NAA11: variants seen among roughly 807,000 people sequenced by gnomAD.
NAA11 encodes N-alpha-acetyltransferase 11, NatA catalytic subunit, also known as N-alpha-acetyltransferase 11.
Under a neutral mutation model 16.1 loss-of-function variants are expected in NAA11, and 15 were observed. The observed-to-expected ratio is 0.93, with a 90% confidence interval of 0.62 to 1.44. The LOEUF (loss-of-function observed/expected upper bound fraction) is 1.44, where lower values mean the gene tolerates loss of function less well. Ranked by LOEUF, NAA11 falls within the 40% of genes most tolerant of loss-of-function variation. NAA11 has a pLI of 0.00. For synonymous variants in NAA11, 122 were observed against 112.4 expected (o/e 1.09, Z -0.54); for missense variants, 298 against 291.3 (o/e 1.02, Z -0.17).
intron 2 of NAA11, among the ~76,000 whole-genome samples, chr4:79,241,569 T>C (rs1217972406): frequency 6.6e-6 from 1 of 152,246 alleles, no homozygotes; most frequent in African/African-American, 2.4e-5. Flanking sequence ...TGCTTTCTTC[T>C]TTCCATTTAC....
chr4:79,235,017 A>G (rs1721542709), intron 2 of NAA11, among the ~76,000 whole-genome samples: 3 of 152,126 alleles, frequency 2.0e-5, no homozygotes, highest in South Asian at 4.1e-4. Context: ...AAAGAAATGT[A>G]GGCCAAGAAA....
chr4:79,268,642 C>T (rs1722404518), intron 2 of NAA11, among the ~76,000 whole-genome samples: 1 of 152,098 alleles, frequency 6.6e-6, no homozygotes, highest in African/African-American at 2.4e-5. Context: ...CAAATGACTG[C>T]ATAAGGAATC....
intron 1 of NAA11, among the ~76,000 whole-genome samples, chr4:79,297,346 G>A (rs1723253107): frequency 6.6e-6 from 1 of 152,170 alleles, no homozygotes; most frequent in African/African-American, 2.4e-5. Flanking sequence ...GGACAGAGAG[G>A]GCCTCAGCGA....
chr4:79,319,788 G>A (rs1724037205), intron 1 of NAA11, among the ~76,000 whole-genome samples: 1 of 152,098 alleles, frequency 6.6e-6, no homozygotes, highest in Admixed American at 6.6e-5. Flanking sequence ...TGGCATATCT[G>A]GGGTAAGGTT....
At chr4:79,201,894 C>A in the NAA11 span, among the ~76,000 whole-genome samples, 1 of 151,542 alleles carries the variant, frequency 6.6e-6, no homozygotes, top group African/African-American at 2.4e-5. Context: ...CCTGTCTTTT[C>A]TTTTTTTAAG....
chr4:79,219,293 A>G, the NAA11 span, among the ~76,000 whole-genome samples: 1 of 152,128 alleles, frequency 6.6e-6, no homozygotes, highest in African/African-American at 2.4e-5. Context: ...CATCCTCACC[A>G]TGATGGACCT....
chr4:79,279,783 G>T (rs1722743595), intron 2 of NAA11, among the ~76,000 whole-genome samples: 1 of 152,122 alleles, frequency 6.6e-6, no homozygotes, highest in African/African-American at 2.4e-5. Flanking sequence ...TTTCTAAAGT[G>T]TTAGCTGGCA....
the NAA11 span, among the ~76,000 whole-genome samples, chr4:79,202,526 A>ACACG: frequency 7.0e-6 from 1 of 142,870 alleles, no homozygotes; most frequent in Non-Finnish European, 1.5e-5. Flanking sequence ...TTTTATACAC[A>ACACG]CACACACACA....
chr4:79,311,535 C>T (rs533316623), intron 1 of NAA11, among the ~76,000 whole-genome samples: 77 of 152,150 alleles, frequency 5.1e-4, no homozygotes, highest in Non-Finnish European at 9.3e-4. Flanking sequence ...TATTTCATGG[C>T]GCTCCTATTA....
chr4:79,274,205 G>A lies in NAA11; in HGVS notation c.*122+19800C>T, dbSNP rs141553479. On this transcript the variant is annotated intron_variant and NMD_transcript_variant, in intron 2 of 2. Transcript: ENST00000511542. ...ATCTGTACTCTTGGCTATGAGTAAT[G>A]CCTCCTATCCTCACTGCTCCCAAGT... 7.9e-5 allele frequency among the ~76,000 whole-genome samples: 12 copies of A among 152,190 alleles called. No homozygotes were observed. In the East Asian group the frequency reaches 2.3e-3, roughly 29 times the overall value.
At chr4:79,297,300 C>T (rs993004204) in intron 1 of NAA11, among the ~76,000 whole-genome samples, 1 of 152,162 alleles carries the variant, frequency 6.6e-6, no homozygotes, top group African/African-American at 2.4e-5. Context: ...GAGCCACCCA[C>T]TGGATGGGGA....
intron 1 of NAA11, among the ~76,000 whole-genome samples, chr4:79,295,542 A>C (rs549008969): frequency 6.6e-6 from 1 of 152,332 alleles, no homozygotes; most frequent in African/African-American, 2.4e-5. Flanking sequence ...TTTTAGACAC[A>C]TAAGGAAGGA....
At chr4:79,218,078 A>G in the NAA11 span, among the ~76,000 whole-genome samples, 1 of 152,142 alleles carries the variant, frequency 6.6e-6, no homozygotes, top group Non-Finnish European at 1.5e-5. Context: ...ATTATCTGGT[A>G]ATATATACTC....
At chr4:79,296,273 A>G (rs915534807) in intron 1 of NAA11, among the ~76,000 whole-genome samples, 1 of 152,232 alleles carries the variant, frequency 6.6e-6, no homozygotes, top group Non-Finnish European at 1.5e-5. Context: ...TTAAGGCACA[A>G]AGAAGGTAAG....
intron 2 of NAA11, among the ~76,000 whole-genome samples, chr4:79,234,750 A>G (rs1270466707): frequency 6.6e-6 from 1 of 152,116 alleles, no homozygotes; most frequent in Non-Finnish European, 1.5e-5. Flanking sequence ...TCTCAGTGCT[A>G]GGAATGTCTG....
At chr4:79,297,129 A>G (rs930500208) in intron 1 of NAA11, among the ~76,000 whole-genome samples, 8 of 152,110 alleles carry the variant, frequency 5.3e-5, no homozygotes, top group African/African-American at 1.7e-4. Flanking sequence ...CTGGCCATGC[A>G]GTTGCCGCTG....
intron 2 of NAA11, among the ~76,000 whole-genome samples, chr4:79,253,751 GA>G (rs952709852): frequency 1.3e-5 from 2 of 152,170 alleles, no homozygotes; most frequent in Non-Finnish European, 2.9e-5. Context: ...CATCTCTAGT[GA>G]AAGTTTTATT....
At chr4:79,239,592 C>G (rs1376247620) in intron 2 of NAA11, among the ~76,000 whole-genome samples, 1 of 151,910 alleles carries the variant, frequency 6.6e-6, no homozygotes, top group Non-Finnish European at 1.5e-5. Context: ...CCCAGCTACT[C>G]AGGAAGCTAA....
At chr4:79,257,505 T>C (rs983706006) in intron 2 of NAA11, among the ~76,000 whole-genome samples, 1 of 152,206 alleles carries the variant, frequency 6.6e-6, no homozygotes, top group Admixed American at 6.5e-5. Context: ...TCACTTATTA[T>C]CTGTAAGAGG....
Sources: gnomAD v4.1 joint callset for allele counts (sites outside exome capture counted in the v4.1 genomes callset) on GRCh38, gnomAD v4.1.1 for gene constraint, MANE v1.5 for transcripts, NCBI Gene and HGNC (gene_info 2026-07-23, HGNC 2026-07-21) for gene names.